The following WWP2 variants were observed in gnomAD, a reference collection of about 807,000 sequenced individuals.
The protein encoded by WWP2 is WW domain containing E3 ubiquitin protein ligase 2, also known as NEDD4-like E3 ubiquitin-protein ligase WWP2.
Under a neutral mutation model 121.0 loss-of-function variants are expected in WWP2, and 57 were observed. The observed-to-expected ratio is 0.47, with a 90% CI of 0.38 to 0.59. The LOEUF is 0.59. Ranked by LOEUF, WWP2 falls within the 20% of genes least tolerant of loss-of-function variation. The probability of loss-of-function intolerance (pLI) is 0.00; values close to 1 mark genes in which losing one functional copy is unlikely to be tolerated. For missense variants in WWP2, 962 were observed against 1,158.9 expected, an observed-to-expected ratio of 0.83 and a Z score of 2.47; for synonymous variants, 449 against 441.3, an observed-to-expected ratio of 1.02 and a Z score of -0.22.
At chr16:69,861,313 C>T (rs760840397) in intron 6 of WWP2, among the ~76,000 whole-genome samples, 3 of 152,182 alleles carry the variant, frequency 2.0e-5, no homozygotes, top group African/African-American at 4.8e-5. Flanking sequence ...GCCCAACATA[C>T]GGCCTGGAAG....
At chr16:69,894,204 T>A (rs2058073015) in intron 8 of WWP2, among the ~76,000 whole-genome samples, 1 of 151,340 alleles carries the variant, frequency 6.6e-6, no homozygotes, top group African/African-American at 2.4e-5. Context: ...GCCTCCCGAG[T>A]AGCTGGGACT....
intron 1 of WWP2, among the ~76,000 whole-genome samples, chr16:69,779,545 A>G (rs1407046663): frequency 6.6e-6 from 1 of 152,156 alleles, no homozygotes; most frequent in African/African-American, 2.4e-5. Context: ...GCGGCCCTGA[A>G]GTGTAGATCA....
intron 1 of WWP2, among the ~76,000 whole-genome samples, chr16:69,762,664 C>A (rs1311564329): frequency 1.3e-5 from 2 of 152,104 alleles, no homozygotes; most frequent in African/African-American, 4.8e-5. Context: ...GCGAGTCCTC[C>A]CGGAAGGGGA....
intron 1 of WWP2, among the ~76,000 whole-genome samples, chr16:69,776,422 C>G (rs2055528727): frequency 1.3e-5 from 2 of 152,122 alleles, no homozygotes; most frequent in African/African-American, 4.8e-5. Flanking sequence ...ACCACTAGCA[C>G]CAAAACCAGT....
At chr16:69,855,127 A>G (rs112313652) in intron 6 of WWP2, among the ~76,000 whole-genome samples, 1,822 of 152,352 alleles carry the variant, frequency 0.012, 37 homozygotes, top group African/African-American at 0.042. Flanking sequence ...GATTACAGGC[A>G]TGAGCCGCTG....
chr16:69,862,968 C>T (rs997466913), intron 6 of WWP2, among the ~76,000 whole-genome samples: 3 of 152,062 alleles, frequency 2.0e-5, no homozygotes, highest in African/African-American at 7.2e-5. Context: ...CTCAAGCAGT[C>T]CTCCGCCCTT....
chr16:69,771,799 A>G (rs1028392529), intron 1 of WWP2, among the ~76,000 whole-genome samples: 1 of 152,060 alleles, frequency 6.6e-6, no homozygotes, highest in Non-Finnish European at 1.5e-5. Flanking sequence ...AAGTGCGGGA[A>G]GGTGAGTTGG....
intron 4 of WWP2, among the ~76,000 whole-genome samples, chr16:69,800,058 G>A (rs2056129037): frequency 6.6e-6 from 1 of 152,010 alleles, no homozygotes; most frequent in South Asian, 2.1e-4. Context: ...AGAGGTGGGG[G>A]CGGGGAGAGT....
chr16:69,811,999 T>G (rs753600026), intron 4 of WWP2, among the ~76,000 whole-genome samples: 2 of 152,020 alleles, frequency 1.3e-5, no homozygotes, highest in Non-Finnish European at 2.9e-5. Context: ...GTTTTTGCAG[T>G]GTTGTTAATC....
intron 7 of WWP2, 133 bp downstream of exon 7, chr16:69,872,064 T>C (rs2057650295): frequency 7.4e-7 from 1 of 1,352,954 alleles, no homozygotes; most frequent in East Asian, 2.5e-5. Context: ...TAAACTGGAT[T>C]TGAATCCATC....
chr16:69,768,028 G>T (rs2038769611), intron 1 of WWP2, among the ~76,000 whole-genome samples: 1 of 151,968 alleles, frequency 6.6e-6, no homozygotes, highest in Admixed American at 6.6e-5. Flanking sequence ...TGTAGAGATG[G>T]GGTCCCACTA....
chr16:69,922,191 C>T (rs1292501262), intron 10 of WWP2, among the ~76,000 whole-genome samples: 1 of 151,964 alleles, frequency 6.6e-6, no homozygotes, highest in Non-Finnish European at 1.5e-5. Flanking sequence ...GCAATGAGCC[C>T]CTTGCATTGA....
intron 8 of WWP2, chr16:69,894,957 T>G (rs917735565): frequency 6.6e-6 from 1 of 152,230 alleles, no homozygotes; most frequent in African/African-American, 2.4e-5. Flanking sequence ...GCTCTGCCAT[T>G]TCACACCATG....
intron 4 of WWP2, among the ~76,000 whole-genome samples, chr16:69,800,820 C>T (rs1172714645): frequency 6.6e-6 from 1 of 151,708 alleles, no homozygotes; most frequent in Admixed American, 6.6e-5. Flanking sequence ...CCGCCTCATC[C>T]TCCCAAAGTG....
chr16:69,897,199 C>T (rs755244981), intron 8 of WWP2, among the ~76,000 whole-genome samples: 1 of 151,998 alleles, frequency 6.6e-6, no homozygotes, highest in Non-Finnish European at 1.5e-5. Flanking sequence ...ACCTCCCAGG[C>T]TCAGGTGATC....
intron 9 of WWP2, among the ~76,000 whole-genome samples, chr16:69,915,653 T>A (rs2058468255): frequency 6.6e-6 from 1 of 152,214 alleles, no homozygotes; most frequent in African/African-American, 2.4e-5. Flanking sequence ...GTGGTTGCCT[T>A]CGGGGAACAG....
chr16:69,782,554 T>C (rs1010485512), intron 1 of WWP2, among the ~76,000 whole-genome samples: 1 of 152,190 alleles, frequency 6.6e-6, no homozygotes, highest in Non-Finnish European at 1.5e-5. Flanking sequence ...CTATGGGATT[T>C]GGTAACCTGG....
intron 1 of WWP2, among the ~76,000 whole-genome samples, chr16:69,767,233 T>C (rs900568333): frequency 6.6e-6 from 1 of 152,144 alleles, no homozygotes; most frequent in Admixed American, 6.5e-5. Context: ...CTTTTTATGT[T>C]TGAAATATGT....
intron 4 of WWP2, among the ~76,000 whole-genome samples, chr16:69,822,750 G>T (rs538981523): frequency 1.5e-4 from 23 of 152,308 alleles, no homozygotes; most frequent in Non-Finnish European, 2.5e-4. Flanking sequence ...CAACGGCAGG[G>T]AGGAGGCAGG....
Sources: gnomAD v4.1 joint callset for allele counts (sites outside exome capture counted in the v4.1 genomes callset) on GRCh38, gnomAD v4.1.1 for gene constraint, MANE v1.5 for transcripts, NCBI Gene and HGNC (gene_info 2026-07-23, HGNC 2026-07-21) for gene names.